Variants in HDAC8 observed in about 807,000 individuals in gnomAD.
HDAC8 encodes histone deacetylase-like 1.
Under a neutral mutation model 32.2 loss-of-function variants are expected in HDAC8, and 1 was observed. The ratio of observed to expected loss-of-function variants is 0.03; its 90% CI spans 0.01 to 0.15. The LOEUF is 0.15. Among genes scored for constraint, HDAC8 ranks in the 10% least tolerant of loss-of-function variants. HDAC8 has a pLI of 1.00. For missense variants in HDAC8, 117 were observed against 300.0 expected (o/e 0.39, Z 4.51); for synonymous variants, 108 against 113.9 (o/e 0.95, Z 0.33).
At chrX:72,531,838 G>A (rs1556036100) in intron 4 of HDAC8, among the ~76,000 whole-genome samples, 2 of 112,128 alleles carry the variant, frequency 1.8e-5, no homozygotes, top group Non-Finnish European at 3.8e-5. Flanking sequence ...CCACTGTATG[G>A]ATATACCACA....
chrX:72,516,411 T>C lies in HDAC8; in HGVS notation c.438-21143A>G, dbSNP rs1245093626. ...AAATCTTCTGATTCTTGTTTTTTTT[T>C]TTCACTAAGTTAATTGCATCTAATT... is the stretch of plus-strand genomic sequence containing the variant. On this transcript the variant is annotated intron_variant, in intron 4 of 10. Coordinates refer to ENST00000373573, the MANE Select transcript of HDAC8 (RefSeq NM_018486.3). Among the ~76,000 whole-genome samples the C allele has an allele frequency of 6.3e-5, 7 of 111,145 alleles. No homozygotes were observed. The Admixed American group carries it at 6.7e-4, about 11-fold the overall frequency.
In HDAC8 at chrX:72,332,607, G is replaced by GTT. The variant is rs782403645; in HGVS notation, c.1112-2533_1112-2532dup. 6.1e-3 allele frequency among the ~76,000 whole-genome samples: 555 copies of GTT among 90,614 alleles called. 7 individuals carry two copies. The highest frequency in any genetic ancestry group is 0.021 in the African/African-American group (520 of 25,204). The allele number at this position is 90,614 out of a possible 115,157, so 78.7% of individuals were successfully genotyped here. On this transcript the variant is annotated intron_variant, in intron 10 of 10. Transcript: ENST00000373573. ...CTTGTCTTTTGCCTACTTCCTAATT[G>GTT]TTTTTTTTTTTTTCTGTTGAGTTTG...
At chrX:72,492,835 C>G (rs782772608) in intron 5 of HDAC8, among the ~76,000 whole-genome samples, 1 of 111,764 alleles carries the variant, frequency 8.9e-6, no homozygotes, top group East Asian at 2.8e-4. Context: ...TGAGCCACTA[C>G]TATATGCATA....
At chrX:72,396,727 A>G (rs2045772598) in intron 9 of HDAC8, among the ~76,000 whole-genome samples, 1 of 110,530 alleles carries the variant, frequency 9.0e-6, no homozygotes, top group Non-Finnish European at 1.9e-5. Flanking sequence ...CTGGCTGGGC[A>G]TGGTGGTGTG....
chrX:72,403,003 T>G (rs1479593329), intron 9 of HDAC8, among the ~76,000 whole-genome samples: 1 of 112,065 alleles, frequency 8.9e-6, no homozygotes, highest in Non-Finnish European at 1.9e-5. Context: ...CATATCATTT[T>G]TCATTCTTTT....
At chrX:72,424,714 C>T (rs937586973) in intron 9 of HDAC8, among the ~76,000 whole-genome samples, 2 of 111,589 alleles carry the variant, frequency 1.8e-5, no homozygotes, top group Non-Finnish European at 3.8e-5. Flanking sequence ...AATAACTCCC[C>T]AACCCCCACT....
At chrX:72,475,850 C>T (rs889684355) in intron 7 of HDAC8, among the ~76,000 whole-genome samples, 2 of 111,576 alleles carry the variant, frequency 1.8e-5, no homozygotes, top group Non-Finnish European at 3.8e-5. Context: ...AACCAACCAG[C>T]AAACAACCTC....
intron 10 of HDAC8, among the ~76,000 whole-genome samples, chrX:72,338,375 T>C (rs1240035346): frequency 9.1e-6 from 1 of 110,150 alleles, no homozygotes; most frequent in African/African-American, 3.3e-5. Context: ...TTAAGGACCT[T>C]ATAAGTGTGG....
chrX:72,567,678 A>C, intron 4 of HDAC8: 12 of 1,142,528 alleles, frequency 1.1e-5, no homozygotes, highest in Non-Finnish European at 1.3e-5. Flanking sequence ...AACTAGGTGT[A>C]GAGCCCAGGT....
rs2047627646 is a variant in HDAC8, at chrX:72,453,460, A to AG, written c.1005+8543_1005+8544insC. On this transcript the variant is annotated intron_variant, in intron 9 of 10. Coordinates refer to ENST00000373573, the MANE Select transcript of HDAC8 (RefSeq NM_018486.3). ...TGACGGAGTAAGACTCTGTCTCTTA[A>AG]AAATAAAGAAAGAAAGAAAGAAAGA... is the stretch of plus-strand genomic sequence containing the variant. 2.8e-4 allele frequency among the ~76,000 whole-genome samples: 12 copies of AG among 43,474 alleles called. 1 individual carries two copies. Among genetic ancestry groups the AG allele is most frequent in the African/African-American group, 1.3e-3 (12 of 9,102 alleles). 37.8% of individuals were successfully genotyped at this position (43,474 alleles called of 115,157 possible). A position where few individuals can be genotyped will look rare whatever the true frequency, so the allele number is the denominator to read the frequency against.
chrX:72,483,218 T>G (rs1433611765), intron 7 of HDAC8, among the ~76,000 whole-genome samples: 1 of 111,780 alleles, frequency 8.9e-6, no homozygotes, highest in Admixed American at 9.5e-5. Flanking sequence ...AAAACCCTAT[T>G]GATATAGTTT....
intron 4 of HDAC8, among the ~76,000 whole-genome samples, chrX:72,534,297 ATG>A (rs146238866): frequency 0.034 from 3,316 of 98,808 alleles, 142 homozygotes; most frequent in African/African-American, 0.12. Flanking sequence ...CTATATATAT[ATG>A]TGTATATATA....
At chrX:72,380,181 T>C (rs1555959528) in intron 9 of HDAC8, among the ~76,000 whole-genome samples, 1 of 111,947 alleles carries the variant, frequency 8.9e-6, no homozygotes, top group African/African-American at 3.2e-5. Context: ...TTCCCCAGCA[T>C]TTACTTTTAA....
chrX:72,539,653 CT>C (rs1173519347), intron 4 of HDAC8, among the ~76,000 whole-genome samples: 1 of 111,023 alleles, frequency 9.0e-6, no homozygotes, highest in African/African-American at 3.3e-5. Flanking sequence ...TGAAAAATTC[CT>C]AATATGAGGG....
chrX:72,350,837 C>T (rs1218698920), intron 10 of HDAC8, among the ~76,000 whole-genome samples: 2 of 111,725 alleles, frequency 1.8e-5, no homozygotes, highest in South Asian at 7.5e-4. Context: ...CCCTCTACCC[C>T]GAGGCCAGAA....
At chrX:72,508,438 A>G (rs2049462383) in intron 4 of HDAC8, among the ~76,000 whole-genome samples, 1 of 112,495 alleles carries the variant, frequency 8.9e-6, no homozygotes, top group African/African-American at 3.2e-5. Flanking sequence ...TAACTTGTCC[A>G]AGGAAACATA....
At chrX:72,514,579 A>G (rs1449559603) in intron 4 of HDAC8, among the ~76,000 whole-genome samples, 5 of 112,285 alleles carry the variant, frequency 4.5e-5, no homozygotes, top group African/African-American at 1.6e-4. Flanking sequence ...TGCTCTGGTT[A>G]AAGTAGGGGC....
chrX:72,337,815 T>TC (rs2043749528), intron 10 of HDAC8, among the ~76,000 whole-genome samples: 1 of 112,170 alleles, frequency 8.9e-6, no homozygotes, highest in Non-Finnish European at 1.9e-5. Context: ...GCCTCCTGTC[T>TC]CCTACCACCA....
chrX:72,483,218 T>A (rs1433611765), intron 7 of HDAC8, among the ~76,000 whole-genome samples: 1 of 111,780 alleles, frequency 8.9e-6, no homozygotes, highest in African/African-American at 3.3e-5. Flanking sequence ...AAAACCCTAT[T>A]GATATAGTTT....
Sources: allele counts gnomAD v4.1 joint callset (sites outside exome capture counted in the v4.1 genomes callset), GRCh38; gene constraint gnomAD v4.1.1; transcripts MANE v1.5; gene names NCBI Gene and HGNC (gene_info 2026-07-23, HGNC 2026-07-21).